Variants in RBFOX1 observed in about 807,000 individuals in gnomAD.
RBFOX1 encodes the protein RNA binding fox-1 homolog 1, also known as RNA binding protein fox-1 homolog 1.
RBFOX1 carries 8 observed loss-of-function variants against 57.7 expected under a neutral mutation model. The observed-to-expected ratio is 0.14, with a 90% CI of 0.08 to 0.25. The LOEUF (loss-of-function observed/expected upper bound fraction) is 0.25. Among genes scored for constraint, RBFOX1 ranks in the 10% least tolerant of loss-of-function variants. The pLI, the probability that RBFOX1 is intolerant of heterozygous loss-of-function variation, is 1.00. For synonymous variants in RBFOX1, 326 were observed against 222.4 expected, an observed-to-expected ratio of 1.47 and a Z score of -4.15; for missense variants, 611 against 548.5, an observed-to-expected ratio of 1.11 and a Z score of -1.14.
intron 2 of RBFOX1, among the ~76,000 whole-genome samples, chr16:5,535,699 C>A (rs550545820): frequency 3.3e-5 from 5 of 152,294 alleles, no homozygotes; most frequent in African/African-American, 1.2e-4. Context: ...CAAGAGCCTC[C>A]TTTCATTTTG....
chr16:5,640,891 A>G (rs2048845568), intron 3 of RBFOX1, among the ~76,000 whole-genome samples: 1 of 149,256 alleles, frequency 6.7e-6, no homozygotes, highest in African/African-American at 2.5e-5. Context: ...ATGCATGCAA[A>G]CCTATGCACA....
chr16:7,275,015 G>T (rs1196688247), intron 4 of RBFOX1, among the ~76,000 whole-genome samples: 1 of 152,138 alleles, frequency 6.6e-6, no homozygotes, highest in Non-Finnish European at 1.5e-5. Context: ...ACCTCATGAT[G>T]TTCAAGAATC....
At chr16:7,288,014 G>A (rs968445618) in intron 4 of RBFOX1, among the ~76,000 whole-genome samples, 3 of 152,080 alleles carry the variant, frequency 2.0e-5, no homozygotes, top group African/African-American at 7.2e-5. Flanking sequence ...TGTATTTGCT[G>A]GCTGAGATCT....
At chr16:5,598,860 G>T (rs573966806) in intron 2 of RBFOX1, 2 of 1,427,350 alleles carry the variant, frequency 1.4e-6, no homozygotes, top group Non-Finnish European at 9.2e-7. Flanking sequence ...TCCTCAACCC[G>T]GCTTCCCCAA....
At chr16:6,809,672 G>T (rs1408611142) in intron 3 of RBFOX1, among the ~76,000 whole-genome samples, 1 of 152,162 alleles carries the variant, frequency 6.6e-6, no homozygotes, top group East Asian at 1.9e-4. Flanking sequence ...AGAAGTTCAG[G>T]TGAGATACGT....
intron 2 of RBFOX1, among the ~76,000 whole-genome samples, chr16:6,334,546 G>A (rs540978378): frequency 1.1e-3 from 163 of 150,534 alleles, no homozygotes; most frequent in Non-Finnish European, 1.9e-3. Context: ...TGCTAGAATC[G>A]TCATTATATA....
chr16:7,308,173 G>T (rs181375833), intron 4 of RBFOX1, among the ~76,000 whole-genome samples: 1 of 152,090 alleles, frequency 6.6e-6, no homozygotes, highest in Non-Finnish European at 1.5e-5. Flanking sequence ...TATTTCTATT[G>T]TAAGTAATAG....
intron 3 of RBFOX1, among the ~76,000 whole-genome samples, chr16:6,779,543 C>A (rs1260050715): frequency 6.6e-6 from 1 of 150,508 alleles, no homozygotes; most frequent in Non-Finnish European, 1.5e-5. Flanking sequence ...AACAGTGAGA[C>A]TGCTAAATTA....
At chr16:7,097,389 AC>A (rs1310419447) in intron 4 of RBFOX1, among the ~76,000 whole-genome samples, 5 of 152,090 alleles carry the variant, frequency 3.3e-5, no homozygotes, top group African/African-American at 4.8e-5. Context: ...GCTTGCATCA[AC>A]CCCAGTATCA....
chr16:7,090,898 C>G (rs1312309250), intron 4 of RBFOX1, among the ~76,000 whole-genome samples: 3 of 134,600 alleles, frequency 2.2e-5, no homozygotes, highest in Non-Finnish European at 4.9e-5. Context: ...CCTCCCTTGA[C>G]CAGCACAAAC....
At chr16:7,437,838 A>G (rs999252135) in intron 4 of RBFOX1, among the ~76,000 whole-genome samples, 2 of 152,008 alleles carry the variant, frequency 1.3e-5, no homozygotes, top group African/African-American at 4.8e-5. Flanking sequence ...GCAACTTGAC[A>G]GGAGGCAGTC....
intron 1 of RBFOX1, among the ~76,000 whole-genome samples, chr16:6,299,204 C>T (rs2078499531): frequency 6.6e-6 from 1 of 152,178 alleles, no homozygotes; most frequent in African/African-American, 2.4e-5. Context: ...GATGCAGGGG[C>T]CTTAGCCCCA....
chr16:6,077,127 GACT>G (rs1042319344), intron 1 of RBFOX1, among the ~76,000 whole-genome samples: 1 of 151,808 alleles, frequency 6.6e-6, no homozygotes, highest in African/African-American at 2.4e-5. Context: ...TGGGGATGAC[GACT>G]TTAAATACCT....
rs1044512940 is a variant in RBFOX1 at position 6,605,964 on chromosome 16, G to T, written c.-63-48639G>T. Among the ~76,000 whole-genome samples the T allele has an allele frequency of 4.6e-5, 7 of 151,882 alleles. 1 individual carries two copies. The highest frequency in any genetic ancestry group is 1.5e-4 in the African/African-American group (6 of 41,356). The stretch of plus-strand genomic sequence containing the variant: ...AAATTACAGAAATTAGCGGAGCATG[G>T]TTGGGGGTGGGGGCAGTGCCTGTAG... On this transcript the variant is annotated intron_variant, in intron 2 of 15. Coordinates refer to ENST00000550418, the MANE Select transcript of RBFOX1 (RefSeq NM_018723.4).
At chr16:7,024,529 G>A in intron 3 of RBFOX1, among the ~76,000 whole-genome samples, 1 of 152,230 alleles carries the variant, frequency 6.6e-6, no homozygotes, top group Non-Finnish European at 1.5e-5. Context: ...AAAATTCTTT[G>A]TAGATGTTAG....
chr16:5,501,695 A>G (rs1042378425), intron 2 of RBFOX1, among the ~76,000 whole-genome samples: 2 of 152,150 alleles, frequency 1.3e-5, no homozygotes, highest in African/African-American at 4.8e-5. Flanking sequence ...GGTAGTACCC[A>G]GTGAATGTTA....
intron 1 of RBFOX1, among the ~76,000 whole-genome samples, chr16:5,248,911 C>T (rs1263956859): frequency 1.4e-5 from 2 of 141,470 alleles, no homozygotes; most frequent in African/African-American, 5.4e-5. Context: ...TTGCTTGAAC[C>T]CGGGAGGTGG....
chr16:6,633,747 G>A lies in RBFOX1; in HGVS notation c.-63-20856G>A, dbSNP rs372801277. Among the ~76,000 whole-genome samples, 22 of 152,286 alleles carry A rather than the reference G, an allele frequency of 1.4e-4. No homozygotes were observed. The East Asian group carries it at 1.7e-3, about 12-fold the overall frequency. On this transcript the variant is annotated intron_variant, in intron 2 of 15. Coordinates refer to ENST00000550418, the MANE Select transcript of RBFOX1 (RefSeq NM_018723.4). ...GCTCTAGCCAGGCGCTGTAGCTCAT[G>A]CCTGTAATCCTTAGGCTTTGGGAGG...
At chr16:7,095,961 T>C (rs1168816119) in intron 4 of RBFOX1, among the ~76,000 whole-genome samples, 9 of 141,976 alleles carry the variant, frequency 6.3e-5, no homozygotes, top group African/African-American at 2.4e-4. Flanking sequence ...TGCAGTGAGC[T>C]GAGATCGCAC....
Sources: gnomAD v4.1 joint callset for allele counts (sites outside exome capture counted in the v4.1 genomes callset) on GRCh38, gnomAD v4.1.1 for gene constraint, MANE v1.5 for transcripts, NCBI Gene and HGNC (gene_info 2026-07-23, HGNC 2026-07-21) for gene names.